SHANK2: variants seen among roughly 807,000 people sequenced by gnomAD.
The protein encoded by SHANK2 is SH3 and multiple ankyrin repeat domains 2.
A neutral mutation model predicts 133.7 loss-of-function variants in SHANK2; 43 were observed. The ratio of observed to expected loss-of-function variants is 0.32; its 90% confidence interval spans 0.25 to 0.41. SHANK2 has a LOEUF of 0.41. SHANK2 is among the 10% of genes least tolerant of loss of function. SHANK2 has a pLI of 1.00. For missense variants in SHANK2, 1,994 were observed against 2,235.8 expected (o/e 0.89, Z 2.18); for synonymous variants, 1,017 against 952.8 (o/e 1.07, Z -1.24).
chr11:70,874,335 T>A (rs636618), intron 11 of SHANK2, among the ~76,000 whole-genome samples: 1 of 152,090 alleles, frequency 6.6e-6, no homozygotes, highest in African/African-American at 2.4e-5. Flanking sequence ...TATCTATCCA[T>A]GATTTATCTA....
chr11:70,714,717 G>C (rs1555026892), intron 14 of SHANK2, among the ~76,000 whole-genome samples: 1 of 152,018 alleles, frequency 6.6e-6, no homozygotes, highest in African/African-American at 2.4e-5. Flanking sequence ...GAGAGTCAAG[G>C]TCACCCCATG....
Position 71,147,244 on chromosome 11 carries a change from G to C in SHANK2, c.83C>G (p.Ser28Cys), listed in dbSNP as rs1175615216. Reference sequence around the variant, plus strand: ...CGTGTCATAGATGGTCTCTTCTTTGGAGCTGTCTGACTCCGACCCCACGGA... The same window carrying C: ...CGTGTCATAGATGGTCTCTTCTTTGCAGCTGTCTGACTCCGACCCCACGGA... ...DYSVGSESDS[S>C]KEETIYDTIR... Residue 28 changes from serine (S) to cysteine (C), a missense_variant, in exon 3 of 26, where the codon TCC (serine) becomes TGC (cysteine). Physicochemically the swap from Ser to Cys is moderately radical, Grantham distance 112. Transcript: ENST00000601538. 2 of 1,550,862 alleles carry C rather than the reference G, an allele frequency of 1.3e-6. No individual in the cohort carries two copies. Among genetic ancestry groups the C allele is most frequent in the Non-Finnish European group, 1.7e-6 (2 of 1,146,966 alleles).
At chr11:70,716,901 C>T (rs998171072) in intron 14 of SHANK2, among the ~76,000 whole-genome samples, 1 of 149,524 alleles carries the variant, frequency 6.7e-6, no homozygotes, top group Admixed American at 6.6e-5. Context: ...CGGAGCCCCC[C>T]CCCCGCCCAA....
At chr11:71,163,083 A>ACATATATATATATATAT (rs1953054089) in intron 2 of SHANK2, among the ~76,000 whole-genome samples, 2 of 85,322 alleles carry the variant, frequency 2.3e-5, no homozygotes, top group Non-Finnish European at 4.9e-5. Flanking sequence ...AAAAAAAAAA[A>ACATATATATATATATAT]AAAAAAAAAA....
At chr11:70,611,568 A>T (rs1456532842) in intron 17 of SHANK2, among the ~76,000 whole-genome samples, 1 of 152,256 alleles carries the variant, frequency 6.6e-6, no homozygotes, top group Non-Finnish European at 1.5e-5. Context: ...ATGGGACAGA[A>T]ACAGAGGGTG....
At chr11:70,839,734 G>T (rs781852697) in intron 11 of SHANK2, among the ~76,000 whole-genome samples, 5 of 152,168 alleles carry the variant, frequency 3.3e-5, no homozygotes, top group African/African-American at 1.2e-4. Context: ...CTGCCAGGCC[G>T]CCCTGGAAAA....
intron 11 of SHANK2, among the ~76,000 whole-genome samples, chr11:70,886,810 C>T (rs782722213): frequency 2.6e-5 from 4 of 152,150 alleles, no homozygotes; most frequent in Non-Finnish European, 5.9e-5. Context: ...TATACAGGCA[C>T]CCGGTCTTGA....
At position 71,240,209 on chromosome 11, in the gene SHANK2, C is replaced by A. The variant is rs75276641; in HGVS notation, c.-113+12216G>T. Among the ~76,000 whole-genome samples the A allele has an allele frequency of 5.6e-3, 855 of 152,206 alleles. 5 individuals are homozygous for A. Among genetic ancestry groups the A allele is most frequent in the African/African-American group, 0.02 (828 of 41,528 alleles). ...ACCTGCTGAAAACCCGCTGCGGGAC[C>A]CAGACACGGTGTATCTTCTCCCGAG... On this transcript the variant is annotated intron_variant, in intron 1 of 25. Transcript: ENST00000601538.
At chr11:70,481,528 C>T (rs2058733626) in intron 25 of SHANK2, among the ~76,000 whole-genome samples, 1 of 152,240 alleles carries the variant, frequency 6.6e-6, no homozygotes, top group Non-Finnish European at 1.5e-5. Context: ...CATGAATGAA[C>T]ATTTGAGGAA....
intron 2 of SHANK2, among the ~76,000 whole-genome samples, chr11:71,198,137 T>TG (rs1953945445): frequency 6.6e-6 from 1 of 152,158 alleles, no homozygotes; most frequent in Non-Finnish European, 1.5e-5. Flanking sequence ...TTTTTAGAGA[T>TG]GGGGTCTCAC....
At chr11:71,160,348 G>A (rs1378840653) in intron 2 of SHANK2, among the ~76,000 whole-genome samples, 1 of 152,176 alleles carries the variant, frequency 6.6e-6, no homozygotes. Context: ...AACCCCCAAT[G>A]TGATGGTATT....
chr11:70,682,995 G>A (rs944663495), intron 15 of SHANK2, among the ~76,000 whole-genome samples: 33 of 152,176 alleles, frequency 2.2e-4, no homozygotes, highest in Admixed American at 1.6e-3. Context: ...AAGCTGGGAC[G>A]TGGCCGAGAG....
At chr11:70,632,192 G>A (rs1298622235) in intron 17 of SHANK2, among the ~76,000 whole-genome samples, 1 of 152,124 alleles carries the variant, frequency 6.6e-6, no homozygotes, top group Non-Finnish European at 1.5e-5. Context: ...CGCGATCTCG[G>A]CTCACTGCAA....
chr11:70,701,202 C>A (rs1270979783), intron 14 of SHANK2, among the ~76,000 whole-genome samples: 1 of 151,910 alleles, frequency 6.6e-6, no homozygotes, highest in African/African-American at 2.4e-5. Context: ...GAAAAAAAGA[C>A]TATTTCAGTA....
rs1364775004 is a variant in SHANK2, at chr11:70,502,941, G to A, written c.2062-10C>T. 115 of 1,614,004 alleles carry A rather than the reference G, an allele frequency of 7.1e-5. No homozygotes were observed. Among genetic ancestry groups the A allele is most frequent in the Non-Finnish European group, 9.5e-5 (112 of 1,179,998 alleles). On this transcript the variant is annotated splice_polypyrimidine_tract_variant and intron_variant, in intron 17 of 25. Coordinates refer to ENST00000601538, the MANE Select transcript of SHANK2 (RefSeq NM_012309.5). ...CATTCTCATTGTTAACCTGTGGGAA[G>A]GCGGAGAGGATGGCATCAGTGAGAG...
At chr11:71,223,391 G>A (rs576297170) in intron 2 of SHANK2, among the ~76,000 whole-genome samples, 1 of 152,304 alleles carries the variant, frequency 6.6e-6, no homozygotes, top group East Asian at 1.9e-4. Flanking sequence ...AACCAACCAT[G>A]CGCACATTGG....
intron 11 of SHANK2, chr11:70,863,561 G>T (rs1178572159): frequency 2.2e-6 from 1 of 457,806 alleles, no homozygotes; most frequent in African/African-American, 2.0e-5. Flanking sequence ...TCCCAGTGAA[G>T]GTACAATTTA....
chr11:70,853,660 C>T (rs1030780627), intron 11 of SHANK2, among the ~76,000 whole-genome samples: 8 of 152,182 alleles, frequency 5.3e-5, no homozygotes, highest in Non-Finnish European at 8.8e-5. Flanking sequence ...ATACAGGATG[C>T]GTCCCATGTT....
At chr11:70,784,349 T>TTTTTTTTTTG (rs1947594757) in intron 14 of SHANK2, among the ~76,000 whole-genome samples, 1 of 120,742 alleles carries the variant, frequency 8.3e-6, no homozygotes, top group African/African-American at 3.9e-5. Flanking sequence ...GCTAGTTTTT[T>TTTTTTTTTTG]TTTTTTTTTT....
Sources: allele counts gnomAD v4.1 joint callset (sites outside exome capture counted in the v4.1 genomes callset), GRCh38; gene constraint gnomAD v4.1.1; transcripts MANE v1.5; gene names NCBI Gene and HGNC (gene_info 2026-07-23, HGNC 2026-07-21).